Variants in STX2 observed in about 807,000 individuals in gnomAD.
STX2 encodes syntaxin 2.
STX2 carries 27 observed loss-of-function variants against 40.6 expected under a neutral mutation model. The observed-to-expected ratio is 0.66, with a 90% CI of 0.49 to 0.92. The LOEUF is 0.92. STX2 is among the 40% of genes least tolerant of loss of function. The pLI, the probability that STX2 is intolerant of heterozygous loss-of-function variation, is 0.00. For synonymous variants in STX2, 123 were observed against 119.1 expected (o/e 1.03, Z -0.22); for missense variants, 328 against 366.1 (o/e 0.90, Z 0.85).
chr12:130,794,001 C>A (rs1253509134), intron 10 of STX2, among the ~76,000 whole-genome samples: 4 of 152,222 alleles, frequency 2.6e-5, no homozygotes, highest in African/African-American at 9.6e-5. Context: ...TCAAGCCCCA[C>A]TCCCCAGGGG....
chr12:130,822,675 G>A (rs767707806), intron 2 of STX2, among the ~76,000 whole-genome samples: 3 of 152,050 alleles, frequency 2.0e-5, no homozygotes, highest in Non-Finnish European at 2.9e-5. Flanking sequence ...TACCTTATAG[G>A]GCAAAAGATA....
intron 8 of STX2, among the ~76,000 whole-genome samples, chr12:130,799,374 T>C (rs1181457188): frequency 6.6e-6 from 1 of 152,238 alleles, no homozygotes; most frequent in African/African-American, 2.4e-5. Flanking sequence ...GCCATTTTTC[T>C]AACGGAGCTT....
chr12:130,821,554 A>C, intron 3 of STX2, 135 bp downstream of exon 3: 1 of 697,622 alleles, frequency 1.4e-6, no homozygotes, highest in Non-Finnish European at 2.4e-6. Flanking sequence ...CAAACGCCTC[A>C]GACTCTCTAG....
intron 1 of STX2, among the ~76,000 whole-genome samples, chr12:130,829,976 G>A (rs951692259): frequency 6.6e-6 from 1 of 152,192 alleles, no homozygotes; most frequent in Non-Finnish European, 1.5e-5. Context: ...GCTCTGCCAG[G>A]AACTTTAGGT....
chr12:130,819,912 G>A (rs938620108), intron 3 of STX2, among the ~76,000 whole-genome samples: 7 of 152,198 alleles, frequency 4.6e-5, no homozygotes, highest in African/African-American at 1.4e-4. Context: ...GGCGGCTCCA[G>A]AAACATTTTG....
At chr12:130,803,706 G>C (rs1359199936) in intron 6 of STX2, among the ~76,000 whole-genome samples, 2 of 147,568 alleles carry the variant, frequency 1.4e-5, no homozygotes, top group Non-Finnish European at 3.0e-5. Flanking sequence ...AAAAGTTACA[G>C]TTCATGTCTC....
intron 1 of STX2, among the ~76,000 whole-genome samples, chr12:130,829,495 G>A (rs1484684662): frequency 6.9e-6 from 1 of 145,226 alleles, no homozygotes; most frequent in Non-Finnish European, 1.5e-5. Flanking sequence ...GATGCGGGGA[G>A]GAGCTGTGCT....
intron 10 of STX2, among the ~76,000 whole-genome samples, chr12:130,795,725 G>A (rs1951008891): frequency 6.6e-6 from 1 of 152,168 alleles, no homozygotes; most frequent in South Asian, 2.1e-4. Flanking sequence ...GGGTGACACA[G>A]CTAGACCCTG....
At chr12:130,798,393 C>A in intron 9 of STX2, 132 bp downstream of exon 9, 1 of 540,772 alleles carries the variant, frequency 1.8e-6, no homozygotes. Flanking sequence ...AAAATTATTT[C>A]CATTTTAAAA....
At chr12:130,798,461 T>G (rs1951102246) in intron 9 of STX2, 64 bp downstream of exon 9, 1 of 1,133,054 alleles carries the variant, frequency 8.8e-7, no homozygotes, top group African/African-American at 1.6e-5. Context: ...CTTACATCAA[T>G]GTATTACAAC....
intron 2 of STX2, among the ~76,000 whole-genome samples, chr12:130,825,387 T>G (rs1473374077): frequency 6.6e-6 from 1 of 152,226 alleles, no homozygotes; most frequent in Non-Finnish European, 1.5e-5. Context: ...CAGGAGATTC[T>G]TTAAAATAAA....
In STX2 at chr12:130,815,428, C is replaced by A. The variant is rs528431347; in HGVS notation, c.206-2397G>T. Among the ~76,000 whole-genome samples, 234 of 152,362 alleles carry A rather than the reference C, an allele frequency of 1.5e-3. 1 individual carries two copies. The highest frequency in any genetic ancestry group is 3.4e-3 in the Middle Eastern group (1 of 294). On this transcript the variant is annotated intron_variant, in intron 3 of 10. Coordinates refer to ENST00000392373, the MANE Select transcript of STX2 (RefSeq NM_194356.4). The stretch of plus-strand genomic sequence containing the variant: ...GATGTGCCACCCTCGAACCTCATTA[C>A]ATCAGCACATCACCCACTGGCCTGC...
At chr12:130,816,483 G>C (rs1386708509) in intron 3 of STX2, among the ~76,000 whole-genome samples, 1 of 152,188 alleles carries the variant, frequency 6.6e-6, no homozygotes, top group East Asian at 1.9e-4. Flanking sequence ...AGCTGCAGAC[G>C]CAGGCCATAA....
chr12:130,807,400 TG>T (rs1951477240), intron 5 of STX2, among the ~76,000 whole-genome samples: 1 of 149,456 alleles, frequency 6.7e-6, no homozygotes, highest in South Asian at 2.1e-4. Context: ...CCCAGGCAGG[TG>T]GACCCCAGAG....
chr12:130,815,566 A>C (rs1160506013), intron 3 of STX2, among the ~76,000 whole-genome samples: 1 of 152,220 alleles, frequency 6.6e-6, no homozygotes, highest in Non-Finnish European at 1.5e-5. Context: ...CATCGTTTCA[A>C]TATCCAGTGG....
intron 3 of STX2, among the ~76,000 whole-genome samples, chr12:130,819,102 C>A (rs914951186): frequency 2.6e-5 from 4 of 152,160 alleles, no homozygotes; most frequent in Non-Finnish European, 2.9e-5. Context: ...GCGGCGCGGG[C>A]GGTGCTGGGA....
chr12:130,838,589 C>T (rs1344185905), intron 1 of STX2, among the ~76,000 whole-genome samples: 1 of 152,152 alleles, frequency 6.6e-6, no homozygotes, highest in Non-Finnish European at 1.5e-5. Context: ...CTTTGTGAAG[C>T]CCCAGGGATA....
At chr12:130,824,369 A>G (rs766499211) in intron 2 of STX2, among the ~76,000 whole-genome samples, 1 of 152,204 alleles carries the variant, frequency 6.6e-6, no homozygotes, top group Non-Finnish European at 1.5e-5. Flanking sequence ...TGGGTGACAG[A>G]GCGAGGCTCC....
At chr12:130,821,296 G>A (rs542783722) in intron 3 of STX2, among the ~76,000 whole-genome samples, 66 of 152,312 alleles carry the variant, frequency 4.3e-4, no homozygotes, top group African/African-American at 1.3e-3. Context: ...GCCTCAGTGC[G>A]TCTTCCTATT....
Sources: allele counts gnomAD v4.1 joint callset (sites outside exome capture counted in the v4.1 genomes callset), GRCh38; gene constraint gnomAD v4.1.1; transcripts MANE v1.5; gene names NCBI Gene and HGNC (gene_info 2026-07-23, HGNC 2026-07-21).